Variants in CALD1 observed in about 807,000 individuals in gnomAD.
CALD1 encodes the protein caldesmon.
A neutral mutation model predicts 99.9 loss-of-function variants in CALD1; 33 were observed. The observed-to-expected ratio is 0.33, with a 90% CI of 0.25 to 0.44. The LOEUF (loss-of-function observed/expected upper bound fraction) is 0.44. Ranked by LOEUF, CALD1 falls within the 20% of genes least tolerant of loss-of-function variation. CALD1 has a pLI of 1.00. For synonymous variants in CALD1, 310 were observed against 325.0 expected, an observed-to-expected ratio of 0.95 and a Z score of 0.50; for missense variants, 861 against 962.1, an observed-to-expected ratio of 0.89 and a Z score of 1.39.
intron 3 of CALD1, among the ~76,000 whole-genome samples, chr7:134,887,104 G>A (rs956261601): frequency 1.3e-5 from 2 of 152,204 alleles, no homozygotes; most frequent in Non-Finnish European, 2.9e-5. Flanking sequence ...TAAGAAACGT[G>A]TATCAGCACA....
intron 3 of CALD1, among the ~76,000 whole-genome samples, chr7:134,905,922 C>CTTTTTTTT (rs5887716): frequency 2.1e-4 from 20 of 94,774 alleles, no homozygotes; most frequent in South Asian, 7.6e-4. Context: ...CTCTCTATAT[C>CTTTTTTTT]TTTTTTTTTT....
chr7:134,819,615 A>G (rs976206513), intron 1 of CALD1, among the ~76,000 whole-genome samples: 3 of 152,222 alleles, frequency 2.0e-5, no homozygotes, highest in Admixed American at 6.5e-5. Flanking sequence ...ACCCAGTCCA[A>G]TGTATTGAAA....
At chr7:134,761,474 G>A (rs1177226322) in intron 1 of CALD1, among the ~76,000 whole-genome samples, 2 of 148,924 alleles carry the variant, frequency 1.3e-5, no homozygotes, top group Admixed American at 1.4e-4. Context: ...CTGGCAGTCA[G>A]GAGGTTACTT....
chr7:134,906,812 A>G (rs112349442), intron 3 of CALD1, among the ~76,000 whole-genome samples: 29 of 152,180 alleles, frequency 1.9e-4, no homozygotes, highest in African/African-American at 5.3e-4. Context: ...CAGCCCTGAT[A>G]CCCTTTGTTT....
At chr7:134,845,858 G>A (rs541054894) in intron 2 of CALD1, among the ~76,000 whole-genome samples, 3 of 152,242 alleles carry the variant, frequency 2.0e-5, no homozygotes, top group Non-Finnish European at 4.4e-5. Flanking sequence ...TACTTCTAAT[G>A]AAGCTGTGTG....
intron 1 of CALD1, among the ~76,000 whole-genome samples, chr7:134,781,488 G>C (rs1429543711): frequency 2.6e-5 from 4 of 152,134 alleles, no homozygotes; most frequent in African/African-American, 4.8e-5. Context: ...TATAGGTAGA[G>C]ATAGAGTGAG....
At chr7:134,848,980 G>A (rs78890174) in intron 2 of CALD1, among the ~76,000 whole-genome samples, 9 of 152,082 alleles carry the variant, frequency 5.9e-5, no homozygotes, top group Non-Finnish European at 8.8e-5. Context: ...TGCCATATTA[G>A]TTCTGTGTTA....
At chr7:134,937,662 A>C (rs528791857) in intron 6 of CALD1, among the ~76,000 whole-genome samples, 27 of 152,020 alleles carry the variant, frequency 1.8e-4, no homozygotes, top group African/African-American at 5.8e-4. Context: ...AAGAAGAAAG[A>C]AAGCAACTAA....
At chr7:134,799,508 G>A (rs1417780093) in intron 1 of CALD1, among the ~76,000 whole-genome samples, 1 of 152,192 alleles carries the variant, frequency 6.6e-6, no homozygotes, top group Non-Finnish European at 1.5e-5. Flanking sequence ...TTACATAAAA[G>A]TATCTCTCCA....
rs934466260 is a variant in CALD1, at chr7:134,938,425, T to C, written c.1386+2660T>C. ...ACTGGATATCCCAAATATCTAGAGT[T>C]TCAAAACCCAAATGATCCCATTTGG... On this transcript the variant is annotated intron_variant, in intron 6 of 14. Transcript: ENST00000361675. Among the ~76,000 whole-genome samples the C allele has an allele frequency of 6.6e-5, 10 of 152,292 alleles. No individual in the cohort carries two copies. In the South Asian group the frequency reaches 1.5e-3, roughly 22 times the overall value.
chr7:134,806,709 C>T (rs1189711058), intron 1 of CALD1, among the ~76,000 whole-genome samples: 2 of 152,102 alleles, frequency 1.3e-5, no homozygotes, highest in Admixed American at 1.3e-4. Context: ...AATTATAGTG[C>T]CTCGGTTTGC....
intron 1 of CALD1, among the ~76,000 whole-genome samples, chr7:134,818,662 C>G (rs1798652956): frequency 6.6e-6 from 1 of 152,086 alleles, no homozygotes. Flanking sequence ...TTTTTCAGAG[C>G]AAAAATTATT....
At position 134,969,935 on chromosome 7, in the gene CALD1, T is replaced by C. The variant is rs1808932242; in HGVS notation, c.*1590T>C. 2 of 152,690 alleles carry C rather than the reference T, an allele frequency of 1.3e-5. No individual in the cohort carries two copies. Among genetic ancestry groups the C allele is most frequent in the South Asian group, 4.1e-4 (2 of 4,836 alleles). The allele number at this position is 152,690 out of a possible 1,614,324, so 9.5% of individuals were successfully genotyped here. On this transcript the variant is annotated 3_prime_UTR_variant, in exon 15 of 15. Coordinates refer to ENST00000361675, the MANE Select transcript of CALD1 (RefSeq NM_033138.4). Reference sequence around the variant, plus strand: ...GTGTTAGTCTCAATTCCTACCACACTGAGGGAGCCTCCCAAATAACTATTT... The same window carrying C: ...GTGTTAGTCTCAATTCCTACCACACCGAGGGAGCCTCCCAAATAACTATTT...
At chr7:134,777,950 A>G (rs1438960113), upstream of CALD1, among the ~76,000 whole-genome samples, 1 of 152,354 alleles carries the variant, frequency 6.6e-6, no homozygotes, top group East Asian at 1.9e-4. Context: ...CACAGGAACA[A>G]TTTTATAAAC....
intron 3 of CALD1, among the ~76,000 whole-genome samples, chr7:134,926,178 C>T (rs1357746630): frequency 6.6e-6 from 1 of 152,164 alleles, no homozygotes; most frequent in Non-Finnish European, 1.5e-5. Flanking sequence ...TTCCTAATAA[C>T]AGGAAGACAC....
At chr7:134,806,318 G>A (rs191641380) in intron 1 of CALD1, among the ~76,000 whole-genome samples, 10 of 152,262 alleles carry the variant, frequency 6.6e-5, no homozygotes, top group African/African-American at 1.4e-4. Flanking sequence ...CCCAGCCCAC[G>A]GTTTAGCTTC....
intron 2 of CALD1, among the ~76,000 whole-genome samples, chr7:134,853,773 T>G (rs139780737): frequency 6.6e-6 from 1 of 152,202 alleles, no homozygotes; most frequent in Non-Finnish European, 1.5e-5. Context: ...GCTTGTTACA[T>G]AGGTATACAC....
intron 2 of CALD1, among the ~76,000 whole-genome samples, chr7:134,864,675 C>T (rs1448147954): frequency 6.6e-6 from 1 of 152,190 alleles, no homozygotes; most frequent in African/African-American, 2.4e-5. Context: ...GCTGGGATTA[C>T]AGGCATGAGC....
chr7:134,836,950 A>G (rs1458301916), intron 1 of CALD1, among the ~76,000 whole-genome samples: 1 of 152,230 alleles, frequency 6.6e-6, no homozygotes, highest in Non-Finnish European at 1.5e-5. Context: ...TCCAAGAGAA[A>G]GGAGAAAAGG....
Sources: allele counts gnomAD v4.1 joint callset (sites outside exome capture counted in the v4.1 genomes callset), GRCh38; gene constraint gnomAD v4.1.1; transcripts MANE v1.5; gene names NCBI Gene and HGNC (gene_info 2026-07-23, HGNC 2026-07-21).